The following TPD52 variants were observed in gnomAD, a reference collection of about 807,000 sequenced individuals.
TPD52 encodes tumor protein D52, also known as prostate and colon associated protein.
A neutral mutation model predicts 31.3 loss-of-function variants in TPD52; 17 were observed. That is an observed-to-expected ratio of 0.54 (90% CI 0.37 to 0.82). The LOEUF is 0.82. Ranked by LOEUF, TPD52 falls within the 40% of genes least tolerant of loss-of-function variation. TPD52 has a pLI of 0.00. For missense variants in TPD52, 212 were observed against 240.1 expected (o/e 0.88, Z 0.77); for synonymous variants, 83 against 89.6 (o/e 0.93, Z 0.42).
intron 1 of TPD52, among the ~76,000 whole-genome samples, chr8:80,147,426 A>G (rs890808678): frequency 6.6e-6 from 1 of 152,320 alleles, no homozygotes; most frequent in East Asian, 1.9e-4. Flanking sequence ...AAAACTCTCA[A>G]CAGAGTTCAG....
At chr8:80,139,171 A>G (rs1809642030) in intron 1 of TPD52, among the ~76,000 whole-genome samples, 1 of 152,214 alleles carries the variant, frequency 6.6e-6, no homozygotes, top group Non-Finnish European at 1.5e-5. Context: ...GCTCTGCCTA[A>G]GACACTGGCA....
chr8:80,103,285 A>C (rs1396191305), intron 1 of TPD52, among the ~76,000 whole-genome samples: 2 of 152,194 alleles, frequency 1.3e-5, no homozygotes, highest in African/African-American at 4.8e-5. Context: ...GTAAACAGTA[A>C]ACTGAAACTA....
chr8:80,125,456 C>T (rs1251855643), intron 1 of TPD52, among the ~76,000 whole-genome samples: 3 of 152,052 alleles, frequency 2.0e-5, no homozygotes, highest in Admixed American at 2.0e-4. Context: ...AAGCCTTGCA[C>T]AGCTGGCGAT....
Position 80,156,859 on chromosome 8 carries a change from G to C in TPD52, c.19+14566C>G, listed in dbSNP as rs373478113. Among the ~76,000 whole-genome samples, 34 of 152,140 alleles carry C rather than the reference G, an allele frequency of 2.2e-4. No homozygotes were observed. In the South Asian group the frequency reaches 6.4e-3, roughly 29 times the overall value. On this transcript the variant is annotated intron_variant, in intron 1 of 7. Transcript: ENST00000518937. ...GATTTGGGCTCTGTGGATTGGGGTA[G>C]AGTAGAAGAGAATTGGGGTCGGGTT...
At chr8:80,153,689 G>A (rs775544300) in intron 1 of TPD52, among the ~76,000 whole-genome samples, 6 of 152,128 alleles carry the variant, frequency 3.9e-5, no homozygotes, top group Admixed American at 6.6e-5. Context: ...CTATATTATG[G>A]AGAGTCAGTA....
intron 2 of TPD52, among the ~76,000 whole-genome samples, 167 bp from the exon 3 acceptor site, chr8:80,053,597 C>G (rs957044922): frequency 5.3e-5 from 8 of 152,146 alleles, no homozygotes; most frequent in Non-Finnish European, 1.0e-4. Flanking sequence ...TGGTTACTTG[C>G]TGATCTCTCC....
At chr8:80,166,669 C>T (rs553229245) in intron 1 of TPD52, among the ~76,000 whole-genome samples, 44 of 151,718 alleles carry the variant, frequency 2.9e-4, no homozygotes, top group African/African-American at 1.0e-3. Flanking sequence ...TTTGGGAGGC[C>T]AATGAGGGCA....
chr8:80,059,835 C>T (rs772318523), intron 2 of TPD52, among the ~76,000 whole-genome samples: 3 of 151,944 alleles, frequency 2.0e-5, no homozygotes, highest in African/African-American at 7.3e-5. Flanking sequence ...GCCTGGGCAA[C>T]GGAGTGAGGC....
At chr8:80,165,289 G>C (rs1048705309) in intron 1 of TPD52, among the ~76,000 whole-genome samples, 6 of 152,178 alleles carry the variant, frequency 3.9e-5, no homozygotes, top group African/African-American at 1.2e-4. Context: ...CACTTCTATG[G>C]AGCAGAATTT....
chr8:80,093,949 C>CCA (rs34570043), intron 1 of TPD52, among the ~76,000 whole-genome samples: 54,928 of 151,936 alleles, frequency 0.36, 11,373 homozygotes, highest in East Asian at 0.72. Flanking sequence ...AGCTTCAAAA[C>CCA]TTTCTTTGCC....
intron 1 of TPD52, among the ~76,000 whole-genome samples, chr8:80,075,213 A>C (rs1287818807): frequency 6.6e-6 from 1 of 152,008 alleles, no homozygotes; most frequent in Non-Finnish European, 1.5e-5. Flanking sequence ...TCCTGACCTC[A>C]TGATCCGCCT....
At position 80,072,169 on chromosome 8, in the gene TPD52, G is replaced by A. The variant is rs373588354; in HGVS notation, c.20-7576C>T. Among the ~76,000 whole-genome samples the A allele has an allele frequency of 1.6e-4, 24 of 152,280 alleles. No individual in the cohort carries two copies. The East Asian group carries it at 3.3e-3, about 21-fold the overall frequency. ...CTAAAAACACAAAGATTAGCTGGGCGTGGTGGCGTGCACCTGTAGTCCCAA... is the reference window on the plus strand; with the variant it reads ...CTAAAAACACAAAGATTAGCTGGGCATGGTGGCGTGCACCTGTAGTCCCAA... On this transcript the variant is annotated intron_variant, in intron 1 of 7. Transcript: ENST00000518937.
chr8:80,116,646 T>C (rs981965364), intron 1 of TPD52, among the ~76,000 whole-genome samples: 1 of 152,144 alleles, frequency 6.6e-6, no homozygotes, highest in African/African-American at 2.4e-5. Flanking sequence ...CAGCTCAGTC[T>C]ATGAGGCCAG....
intron 1 of TPD52, among the ~76,000 whole-genome samples, chr8:80,110,926 C>T (rs888067700): frequency 6.6e-6 from 1 of 152,228 alleles, no homozygotes; most frequent in Non-Finnish European, 1.5e-5. Context: ...GCTGTTTCGG[C>T]TGGGTGTGGG....
intron 1 of TPD52, among the ~76,000 whole-genome samples, chr8:80,088,997 T>A (rs1563617435): frequency 6.6e-6 from 1 of 152,120 alleles, no homozygotes; most frequent in East Asian, 1.9e-4. Flanking sequence ...GCCTGGCAGC[T>A]CTCTGTCAAC....
At chr8:80,078,340 T>C (rs941399533) in intron 1 of TPD52, among the ~76,000 whole-genome samples, 3 of 152,268 alleles carry the variant, frequency 2.0e-5, no homozygotes, top group African/African-American at 7.2e-5. Context: ...TTCTTGTCTG[T>C]ATTACTTGTC....
At position 80,152,780 on chromosome 8, in the gene TPD52, CA is replaced by C. The variant is rs57456374; in HGVS notation, c.19+18644del. 1.7e-3 allele frequency among the ~76,000 whole-genome samples: 141 copies of C among 83,520 alleles called. 3 individuals carry two copies. The highest frequency in any genetic ancestry group is 4.8e-3 in the South Asian group (10 of 2,088). 54.8% of individuals were successfully genotyped at this position (83,520 alleles called of 152,430 possible). On this transcript the variant is annotated intron_variant, in intron 1 of 7. Coordinates refer to ENST00000518937, the MANE Select transcript of TPD52 (RefSeq NM_001025253.3). ...TGGGCGAAAGTGTGAGACTCCGTCT[CA>C]AAAAAAAAAAAAAAAAATGCCAGGC...
At chr8:80,123,109 A>C (rs1255096826) in intron 1 of TPD52, 1 of 152,400 alleles carries the variant, frequency 6.6e-6, no homozygotes, top group African/African-American at 2.4e-5. Flanking sequence ...GTGGGAGGAA[A>C]GGAGGTAAGT....
chr8:80,155,818 G>A (rs1810926432), intron 1 of TPD52, among the ~76,000 whole-genome samples: 1 of 151,816 alleles, frequency 6.6e-6, no homozygotes, highest in Non-Finnish European at 1.5e-5. Flanking sequence ...GGGAGGCAGA[G>A]GTTGCAGTGA....
Sources: allele counts gnomAD v4.1 joint callset (sites outside exome capture counted in the v4.1 genomes callset), GRCh38; gene constraint gnomAD v4.1.1; transcripts MANE v1.5; gene names NCBI Gene and HGNC (gene_info 2026-07-23, HGNC 2026-07-21).